Variants in NOL4 observed in about 807,000 individuals in gnomAD.
NOL4 encodes nucleolar protein 4.
A neutral mutation model predicts 75.9 loss-of-function variants in NOL4; 17 were observed. The observed-to-expected ratio is 0.22, with a 90% CI of 0.15 to 0.34. NOL4 has a LOEUF of 0.34. Ranked by LOEUF, NOL4 falls within the 10% of genes least tolerant of loss-of-function variation. The pLI is 1.00. For synonymous variants in NOL4, 292 were observed against 289.9 expected, an observed-to-expected ratio of 1.01 and a Z score of -0.07; for missense variants, 614 against 793.5, an observed-to-expected ratio of 0.77 and a Z score of 2.72.
chr18:34,093,121 T>C (rs899379954), intron 5 of NOL4, among the ~76,000 whole-genome samples: 3 of 152,158 alleles, frequency 2.0e-5, no homozygotes, highest in African/African-American at 7.2e-5. Context: ...CTTAATTTAG[T>C]CGGAAGAATG....
chr18:34,025,540 C>T (rs911277708), intron 5 of NOL4, among the ~76,000 whole-genome samples: 4 of 152,134 alleles, frequency 2.6e-5, no homozygotes, highest in African/African-American at 9.7e-5. Flanking sequence ...TGCATGTTCT[C>T]TTTCCCCTCT....
intron 6 of NOL4, among the ~76,000 whole-genome samples, chr18:33,974,063 A>C (rs1041258187): frequency 6.6e-6 from 1 of 152,186 alleles, no homozygotes; most frequent in Non-Finnish European, 1.5e-5. Flanking sequence ...TCTTGTCTAC[A>C]TTGAAAATCT....
chr18:34,177,737 T>C (rs2146308489), intron 1 of NOL4, among the ~76,000 whole-genome samples: 1 of 151,972 alleles, frequency 6.6e-6, no homozygotes, highest in East Asian at 1.9e-4. Context: ...AAAATAATCC[T>C]GTCAACTAGA....
chr18:33,882,152 C>A (rs2064325940), intron 10 of NOL4, among the ~76,000 whole-genome samples: 1 of 152,130 alleles, frequency 6.6e-6, no homozygotes, highest in Non-Finnish European at 1.5e-5. Flanking sequence ...TGGACAAGGA[C>A]TTCATGTCTA....
chr18:34,222,836 C>A lies in NOL4; in HGVS notation c.264+154G>T, dbSNP rs1032964031. 3.2e-5 allele frequency: 30 copies of A among 945,286 alleles called. No individual in the cohort carries two copies. In the Admixed American group the frequency reaches 7.3e-4, roughly 23 times the overall value. The allele number at this position is 945,286 out of a possible 1,614,324, so 58.6% of individuals were successfully genotyped here. On this transcript the variant is annotated intron_variant, in intron 1 of 10. Transcript: ENST00000261592. ...GTGGGGAAAACGCGCCTGGCTAATG[C>A]GAGTGGGGACGACTTGGGGAGGGGG...
At chr18:34,205,673 T>C (rs1445584212) in intron 1 of NOL4, among the ~76,000 whole-genome samples, 2 of 152,098 alleles carry the variant, frequency 1.3e-5, no homozygotes, top group Non-Finnish European at 2.9e-5. Context: ...ACAACCTACA[T>C]GTCAGAAGCA....
chr18:34,029,713 T>C (rs2075538471), intron 5 of NOL4, among the ~76,000 whole-genome samples: 1 of 152,200 alleles, frequency 6.6e-6, no homozygotes. Context: ...AAACTTTCTG[T>C]TTATTGGATA....
intron 1 of NOL4, among the ~76,000 whole-genome samples, chr18:34,133,052 C>T (rs2080728995): frequency 6.6e-6 from 1 of 152,036 alleles, no homozygotes; most frequent in Non-Finnish European, 1.5e-5. Context: ...GGGGGTGGAT[C>T]ACCTGAGGTC....
chr18:34,059,122 CATATAT>C (rs55773398), intron 5 of NOL4, among the ~76,000 whole-genome samples: 2,514 of 118,102 alleles, frequency 0.021, 43 homozygotes, highest in African/African-American at 0.045. Flanking sequence ...GATAGATATA[CATATAT>C]ATATATATAT....
intron 6 of NOL4, among the ~76,000 whole-genome samples, chr18:33,982,116 C>T (rs541346441): frequency 4.6e-4 from 70 of 151,946 alleles, no homozygotes; most frequent in African/African-American, 1.3e-3. Context: ...AAATTGCATA[C>T]GGCAGGAAAA....
intron 2 of NOL4, among the ~76,000 whole-genome samples, chr18:34,107,332 A>G (rs1337768118): frequency 6.6e-6 from 1 of 152,214 alleles, no homozygotes; most frequent in African/African-American, 2.4e-5. Context: ...GTGTGCATGA[A>G]ATAATACAAA....
At chr18:33,999,600 G>C (rs1018468412) in intron 6 of NOL4, among the ~76,000 whole-genome samples, 2 of 151,966 alleles carry the variant, frequency 1.3e-5, no homozygotes, top group Non-Finnish European at 2.9e-5. Context: ...ATTTTGAGCT[G>C]TACAGCGTTA....
At chr18:34,210,370 C>T (rs2036431200) in intron 1 of NOL4, among the ~76,000 whole-genome samples, 2 of 152,148 alleles carry the variant, frequency 1.3e-5, no homozygotes, top group African/African-American at 4.8e-5. Context: ...TAGTAACTCA[C>T]CCTTATTTTG....
chr18:34,136,219 C>G (rs1219403975), intron 1 of NOL4, among the ~76,000 whole-genome samples: 2 of 152,114 alleles, frequency 1.3e-5, no homozygotes, highest in Non-Finnish European at 2.9e-5. Flanking sequence ...ACAAAAACCT[C>G]CCACAACTAA....
intron 10 of NOL4, among the ~76,000 whole-genome samples, chr18:33,863,084 T>TG (rs2063241256): frequency 6.6e-6 from 1 of 152,150 alleles, no homozygotes; most frequent in South Asian, 2.1e-4. Context: ...TGGAATACTA[T>TG]GCAGCCATAA....
At chr18:34,106,702 T>C (rs953222565) in intron 2 of NOL4, among the ~76,000 whole-genome samples, 2 of 151,792 alleles carry the variant, frequency 1.3e-5, no homozygotes, top group East Asian at 1.9e-4. Flanking sequence ...TTCTCTCTCT[T>C]TCCCTATAAA....
intron 9 of NOL4, among the ~76,000 whole-genome samples, chr18:33,935,153 T>C (rs1937036175): frequency 6.6e-6 from 1 of 152,094 alleles, no homozygotes; most frequent in Non-Finnish European, 1.5e-5. Context: ...GTGTGAGCCA[T>C]CACAGCCAGC....
intron 8 of NOL4, among the ~76,000 whole-genome samples, chr18:33,955,193 T>C (rs531073403): frequency 8.5e-5 from 13 of 152,112 alleles, no homozygotes; most frequent in African/African-American, 3.1e-4. Flanking sequence ...AGGCTAGGTA[T>C]ATTTTTGATA....
At chr18:34,085,449 C>T (rs747704369) in intron 5 of NOL4, among the ~76,000 whole-genome samples, 2 of 152,144 alleles carry the variant, frequency 1.3e-5, no homozygotes, top group East Asian at 1.9e-4. Context: ...ATTAATCTGA[C>T]GTCCTTCACT....
Sources: gnomAD v4.1 joint callset for allele counts (sites outside exome capture counted in the v4.1 genomes callset) on GRCh38, gnomAD v4.1.1 for gene constraint, MANE v1.5 for transcripts, NCBI Gene and HGNC (gene_info 2026-07-23, HGNC 2026-07-21) for gene names.